PCBP3: variants seen among roughly 807,000 people sequenced by gnomAD.
PCBP3 encodes the protein poly(rC) binding protein 3.
Under a neutral mutation model 52.7 loss-of-function variants are expected in PCBP3, and 25 were observed. That is an observed-to-expected ratio of 0.47 (90% CI 0.35 to 0.66). The LOEUF (loss-of-function observed/expected upper bound fraction) is 0.66. PCBP3 is among the 30% of genes least tolerant of loss of function. The probability of loss-of-function intolerance (pLI) is 0.01; values close to 1 mark genes in which losing one functional copy is unlikely to be tolerated. For missense variants in PCBP3, 391 were observed against 490.3 expected (o/e 0.80, Z 1.91); for synonymous variants, 162 against 183.0 (o/e 0.89, Z 0.93).
intron 4 of PCBP3, among the ~76,000 whole-genome samples, chr21:45,768,201 C>T (rs1399617561): frequency 6.6e-6 from 1 of 152,226 alleles, no homozygotes; most frequent in Non-Finnish European, 1.5e-5. Flanking sequence ...CCGTGTGGTG[C>T]CTGCTGAGGC....
At position 45,929,898 on chromosome 21, in the gene PCBP3, C is replaced by T. The variant is rs199906530; in HGVS notation, c.718-19C>T. 274 of 1,597,414 alleles carry T rather than the reference C, an allele frequency of 1.7e-4. No individual in the cohort carries two copies. Among genetic ancestry groups the T allele is most frequent in the East Asian group, 1.1e-4 (5 of 44,824 alleles). ...CGATGACAATAACCTTCTTAGCTCTCGTGTCCCTCCTACCCCAGCAGTTGA... is the reference window on the plus strand; with the variant it reads ...CGATGACAATAACCTTCTTAGCTCTTGTGTCCCTCCTACCCCAGCAGTTGA... On this transcript the variant is annotated intron_variant, in intron 13 of 17. Coordinates refer to ENST00000681687, the MANE Select transcript of PCBP3 (RefSeq NM_001384156.1).
At chr21:45,760,150 A>G (rs1346329326) in intron 4 of PCBP3, 5 of 152,226 alleles carry the variant, frequency 3.3e-5, no homozygotes, top group African/African-American at 1.2e-4. Flanking sequence ...TTTGATACCT[A>G]TAGGACTTTA....
chr21:45,645,008 C>T (rs755126292), intron 1 of PCBP3, among the ~76,000 whole-genome samples: 5 of 152,152 alleles, frequency 3.3e-5, no homozygotes, highest in Non-Finnish European at 7.3e-5. Flanking sequence ...AATAATTCAT[C>T]ATCTTAAAGC....
intron 4 of PCBP3, among the ~76,000 whole-genome samples, chr21:45,823,322 G>A (rs1252398855): frequency 1.3e-5 from 2 of 152,178 alleles, no homozygotes; most frequent in South Asian, 2.1e-4. Context: ...TTCAGAAAAC[G>A]TCGGCCTTAA....
intron 2 of PCBP3, among the ~76,000 whole-genome samples, chr21:45,690,715 C>G (rs1219170180): frequency 1.3e-5 from 2 of 151,906 alleles, no homozygotes; most frequent in Non-Finnish European, 2.9e-5. Context: ...GAAAAAGATG[C>G]TCATCATCAT....
At chr21:45,906,665 G>T (rs1359876055) in intron 9 of PCBP3, among the ~76,000 whole-genome samples, 6 of 152,180 alleles carry the variant, frequency 3.9e-5, no homozygotes, top group Non-Finnish European at 7.3e-5. Context: ...TCATGAGGCA[G>T]GGGTCTGCCC....
At chr21:45,758,109 G>A (rs759099549) in intron 4 of PCBP3, among the ~76,000 whole-genome samples, 5 of 152,124 alleles carry the variant, frequency 3.3e-5, no homozygotes, top group South Asian at 4.1e-4. Flanking sequence ...GGGTGGTCTC[G>A]AACTCGTGAG....
At chr21:45,858,533 G>A (rs1016080921) in intron 5 of PCBP3, 1 of 152,296 alleles carries the variant, frequency 6.6e-6, no homozygotes, top group Non-Finnish European at 1.5e-5. Flanking sequence ...CAGCTGGTGA[G>A]GGAGGCCCCT....
At chr21:45,753,263 T>G (rs1300803933) in intron 3 of PCBP3, among the ~76,000 whole-genome samples, 1 of 152,052 alleles carries the variant, frequency 6.6e-6, no homozygotes, top group Non-Finnish European at 1.5e-5. Context: ...TGTTCATTTC[T>G]GCTCTTAGGT....
chr21:45,841,675 C>G (rs755402209), intron 4 of PCBP3, among the ~76,000 whole-genome samples: 1 of 152,110 alleles, frequency 6.6e-6, no homozygotes, highest in Admixed American at 6.6e-5. Flanking sequence ...TGTTCTCATA[C>G]GGGATTTGAT....
intron 4 of PCBP3, among the ~76,000 whole-genome samples, chr21:45,810,595 G>A (rs990628044): frequency 1.3e-5 from 2 of 151,994 alleles, no homozygotes; most frequent in Admixed American, 6.6e-5. Flanking sequence ...TAATATTTTG[G>A]TAATGATTTT....
rs2075957609 is a variant in PCBP3 at position 45,929,903 on chromosome 21, C to T, written c.718-14C>T. 1.2e-6 allele frequency: 2 copies of T among 1,608,156 alleles called. No homozygotes were observed. Among genetic ancestry groups the T allele is most frequent in the Admixed American group, 1.7e-5 (1 of 59,974 alleles). ...ACAATAACCTTCTTAGCTCTCGTGT[C>T]CCTCCTACCCCAGCAGTTGACCAAG... On this transcript the variant is annotated splice_polypyrimidine_tract_variant and intron_variant, in intron 13 of 17. Transcript: ENST00000681687.
intron 4 of PCBP3, among the ~76,000 whole-genome samples, chr21:45,796,354 AT>A (rs2091920313): frequency 6.6e-6 from 1 of 152,198 alleles, no homozygotes; most frequent in Admixed American, 6.5e-5. Context: ...TTTTATTTTC[AT>A]TTAGGAAGAG....
In PCBP3 at chr21:45,901,043, T is replaced by C. The variant is rs375614309; in HGVS notation, c.269T>C (p.Ile90Thr). ...NISEGNCPER[I>T]VTITGPTDAI... The stretch of plus-strand genomic sequence containing the variant: ...TCAGAGGGAAACTGCCCAGAGAGGA[T>C]TGTGACCATCACAGGCCCCACAGAC... The change falls in exon 9 of 18, where the codon ATT becomes ACT. Residue 90 changes from isoleucine (I) to threonine (T), a missense_variant. Coordinates refer to ENST00000681687, the MANE Select transcript of PCBP3 (RefSeq NM_001384156.1). The C allele has an allele frequency of 1.4e-5, 23 of 1,613,986 alleles. No individual in the cohort carries two copies. Among genetic ancestry groups the C allele is most frequent in the African/African-American group, 2.7e-5 (2 of 74,914 alleles).
At chr21:45,675,928 A>G (rs573577628) in intron 2 of PCBP3, among the ~76,000 whole-genome samples, 1 of 152,216 alleles carries the variant, frequency 6.6e-6, no homozygotes, top group African/African-American at 2.4e-5. Flanking sequence ...AATGTTCTTG[A>G]TGAAGTCGTA....
chr21:45,933,133 T>G (rs1294214042), intron 15 of PCBP3, among the ~76,000 whole-genome samples: 2 of 143,862 alleles, frequency 1.4e-5, no homozygotes, highest in African/African-American at 5.2e-5. Flanking sequence ...ATGAACACAT[T>G]GGCCATGCTG....
At chr21:45,647,429 C>A (rs2079389708) in intron 1 of PCBP3, among the ~76,000 whole-genome samples, 2 of 152,154 alleles carry the variant, frequency 1.3e-5, no homozygotes, top group Admixed American at 6.5e-5. Context: ...TACAGGGGGC[C>A]ATACTCAGTG....
intron 2 of PCBP3, among the ~76,000 whole-genome samples, chr21:45,669,743 A>G (rs2147248168): frequency 7.1e-6 from 1 of 141,742 alleles, no homozygotes; most frequent in East Asian, 2.1e-4. Flanking sequence ...ATGTTGTAGC[A>G]TGTGTTGGAA....
intron 4 of PCBP3, among the ~76,000 whole-genome samples, chr21:45,838,366 A>G (rs1435125158): frequency 6.6e-6 from 1 of 152,140 alleles, no homozygotes; most frequent in Non-Finnish European, 1.5e-5. Flanking sequence ...GACCACCTGG[A>G]ATCAAACTCT....
Sources: gnomAD v4.1 joint callset for allele counts (sites outside exome capture counted in the v4.1 genomes callset) on GRCh38, gnomAD v4.1.1 for gene constraint, MANE v1.5 for transcripts, NCBI Gene and HGNC (gene_info 2026-07-23, HGNC 2026-07-21) for gene names.